The following COL12A1 variants were observed in gnomAD, a reference collection of about 807,000 sequenced individuals.
The protein encoded by COL12A1 is collagen alpha-1(XII) chain.
In COL12A1, 114 loss-of-function variants were observed where a neutral mutation model predicts 349.7. That is an observed-to-expected ratio of 0.33 (90% CI 0.28 to 0.38). The LOEUF is 0.38. Among genes scored for constraint, COL12A1 ranks in the 10% least tolerant of loss-of-function variants. The pLI is 1.00. For missense variants in COL12A1, 3,284 were observed against 3,756.9 expected (o/e 0.87, Z 3.29); for synonymous variants, 1,369 against 1,329.0 (o/e 1.03, Z -0.66).
Position 75,191,779 on chromosome 6 carries a change from AT to A in COL12A1, c.335-20del. ...GTTTGAACTAAGTTAAAACTTTATT[AT>A]TACAAAAGGAAATGAACCCAAGCAG... On this transcript the variant is annotated intron_variant, in intron 4 of 65. Coordinates refer to ENST00000322507, the MANE Select transcript of COL12A1 (RefSeq NM_004370.6). 1 of 1,545,676 alleles carries A rather than the reference AT, an allele frequency of 6.5e-7. No homozygotes were observed. The highest frequency in any genetic ancestry group is 8.8e-7 in the Non-Finnish European group (1 of 1,141,756).
Position 75,095,449 on chromosome 6 carries a change from C to T in COL12A1, c.8578-270G>A, listed in dbSNP as rs959445787. On this transcript the variant is annotated intron_variant, in intron 59 of 65. Transcript: ENST00000322507. The stretch of plus-strand genomic sequence containing the variant: ...TGGCTAACAAGGTGAAACCCCGTCT[C>T]TACTAAAAATACAAAAAATTAGCCA... 2.0e-5 allele frequency among the ~76,000 whole-genome samples: 3 copies of T among 151,574 alleles called. No individual in the cohort carries two copies. In the South Asian group the frequency reaches 6.3e-4, roughly 32 times the overall value.
At chr6:75,106,951 G>T (rs1264430251) in intron 52 of COL12A1, among the ~76,000 whole-genome samples, 1 of 136,426 alleles carries the variant, frequency 7.3e-6, no homozygotes, top group African/African-American at 2.7e-5. Flanking sequence ...GCCCAGGTAG[G>T]AGTACAGTGG....
At position 75,130,730 on chromosome 6, in the gene COL12A1, T is replaced by G. The variant is rs1766258937; in HGVS notation, c.6067+122A>C. The G allele has an allele frequency of 7.1e-6, 9 of 1,260,202 alleles. No homozygotes were observed. The South Asian group carries it at 1.3e-4, about 18-fold the overall frequency. The allele number at this position is 1,260,202 out of a possible 1,614,324, so 78.1% of individuals were successfully genotyped here. On this transcript the variant is annotated intron_variant, in intron 36 of 65. Transcript: ENST00000322507. Reference sequence around the variant, plus strand: ...AATGTTTTCGCCTGGAATGTAAATGTAGGGGATCCCAGGCAGAAAGCACCC... The same window carrying G: ...AATGTTTTCGCCTGGAATGTAAATGGAGGGGATCCCAGGCAGAAAGCACCC...
chr6:75,127,219 T>C (rs1248933667), intron 38 of COL12A1, among the ~76,000 whole-genome samples: 1 of 152,156 alleles, frequency 6.6e-6, no homozygotes, highest in African/African-American at 2.4e-5. Flanking sequence ...TCCCAAAATA[T>C]AGTCTAAAAT....
intron 60 of COL12A1, 54 bp downstream of exon 60, chr6:75,095,051 CATT>C (rs1471726398): frequency 1.4e-6 from 2 of 1,466,792 alleles, no homozygotes; most frequent in Non-Finnish European, 1.9e-6. Flanking sequence ...TTGCAGTTCT[CATT>C]ATTTATTTCC....
chr6:75,151,921 C>T lies in COL12A1; in HGVS notation c.3946G>A (p.Val1316Ile), dbSNP rs1767511718. The T allele has an allele frequency of 2.5e-6, 4 of 1,613,742 alleles. No individual in the cohort carries two copies. The highest frequency in any genetic ancestry group is 1.7e-5 in the Admixed American group (1 of 59,976). ...LITDGKSQDD[V>I]EAPSKKLKDE... ...TTGAGTTTCTTTGAAGGTGCTTCAA[C>T]ATCGTCTTGTGATTTTCCATCAGTA... Residue 1316 changes from valine to isoleucine, a missense_variant, in exon 20 of 66, where the codon GTT becomes ATT. By Grantham distance (29) the Val-to-Ile change is conservative (BLOSUM62 3). Coordinates refer to ENST00000322507, the MANE Select transcript of COL12A1 (RefSeq NM_004370.6).
At position 75,126,381 on chromosome 6, in the gene COL12A1, G is replaced by A; in HGVS notation, c.6430C>T (p.Leu2144Phe). ...VSWDPSPSPV[L>F]GYKIVYKPVG... ...GGCTTATATACTATTTTATATCCAAGAACTGGAGAAGGTGAAGGATCCCAG... is the reference window on the plus strand; with the variant it reads ...GGCTTATATACTATTTTATATCCAAAAACTGGAGAAGGTGAAGGATCCCAG... The change falls in exon 39 of 66, where the codon CTT (leucine) becomes TTT (phenylalanine). Residue 2144 changes from leucine to phenylalanine, a missense_variant. Around this residue, in one of 2 missense-constraint regions of COL12A1, gnomAD observed 2,601 missense variants for 2,824.8 expected, o/e 0.92. Coordinates refer to ENST00000322507, the MANE Select transcript of COL12A1 (RefSeq NM_004370.6). 1.2e-6 allele frequency: 2 copies of A among 1,611,136 alleles called. No homozygotes were observed. The highest frequency in any genetic ancestry group is 1.7e-6 in the Non-Finnish European group (2 of 1,177,734).
intron 65 of COL12A1, chr6:75,087,351 T>C: frequency 2.0e-6 from 1 of 487,854 alleles, no homozygotes; most frequent in Non-Finnish European, 3.5e-6. Flanking sequence ...TATGATGTGA[T>C]TTGGTAAATG....
chr6:75,189,590 A>T lies in COL12A1; in HGVS notation c.620T>A (p.Ile207Lys). 1.2e-6 allele frequency: 2 copies of T among 1,612,912 alleles called. No individual in the cohort carries two copies. The highest frequency in any genetic ancestry group is 1.7e-6 in the Non-Finnish European group (2 of 1,179,358). Residue 207 changes from isoleucine to lysine, a missense_variant, in exon 6 of 66, where the codon ATA becomes AAA. Physicochemically the swap from Ile to Lys is moderately radical, Grantham distance 102. Around this residue, in one of 2 missense-constraint regions of COL12A1, gnomAD observed 2,601 missense variants for 2,824.8 expected, o/e 0.92. Transcript: ENST00000322507. The part of the protein sequence containing the change: ...YYQRDELLAA[I>K]KKIPYKGGNT... ...GCCACCTTTATATGGAATTTTTTTT[A>T]TTGCAGCAAGAAGTTCATCCCTTTG...
Position 75,185,009 on chromosome 6 carries a change from G to C in COL12A1, c.998-865C>G, listed in dbSNP as rs371915634. 1.8e-4 allele frequency among the ~76,000 whole-genome samples: 28 copies of C among 152,192 alleles called. No homozygotes were observed. In the South Asian group the frequency reaches 4.8e-3, roughly 26 times the overall value. On this transcript the variant is annotated intron_variant, in intron 8 of 65. Coordinates refer to ENST00000322507, the MANE Select transcript of COL12A1 (RefSeq NM_004370.6). The stretch of plus-strand genomic sequence containing the variant: ...GCAACCAGATGTAGGACATAAAAGT[G>C]ATGTTTATACTGAATAGGCAAAAGC...
In COL12A1 at chr6:75,148,415, G is replaced by C; in HGVS notation, c.4230C>G (p.Asp1410Glu). Residue 1410 changes from aspartate to glutamate, a missense_variant, in exon 22 of 66, where the codon GAC becomes GAG. Physicochemically the swap from Asp to Glu is conservative, Grantham distance 45. Coordinates refer to ENST00000322507, the MANE Select transcript of COL12A1 (RefSeq NM_004370.6). ...ATTCCACCTTATATCGATCCACACTGTCAGAAGGTGGTGTCCAGCTCACTC... is the reference window on the plus strand; with the variant it reads ...ATTCCACCTTATATCGATCCACACTCTCAGAAGGTGGTGTCCAGCTCACTC... ...SFRVSWTPPS[D>E]SVDRYKVEYY... The C allele has an allele frequency of 1.2e-6, 2 of 1,613,404 alleles. No homozygotes were observed. Among genetic ancestry groups the C allele is most frequent in the Non-Finnish European group, 1.7e-6 (2 of 1,179,456 alleles).
chr6:75,196,861 G>A (rs999509071), intron 2 of COL12A1, among the ~76,000 whole-genome samples: 2 of 152,192 alleles, frequency 1.3e-5, no homozygotes, highest in African/African-American at 4.8e-5. Context: ...AACTGCTGAA[G>A]GGCAGTAGCA....
intron 27 of COL12A1, 116 bp from the exon 28 acceptor site, chr6:75,139,077 C>T: frequency 8.3e-7 from 1 of 1,210,584 alleles, no homozygotes; most frequent in Non-Finnish European, 1.2e-6. Flanking sequence ...TGATTGAATA[C>T]ATTGCTTAGA....
intron 17 of COL12A1, 39 bp from the exon 18 acceptor site, chr6:75,152,521 A>G (rs776490695): frequency 1.2e-6 from 2 of 1,610,722 alleles, no homozygotes; most frequent in Non-Finnish European, 1.7e-6. Flanking sequence ...TAAGAAGCAA[A>G]TTGTTGGCAA....
chr6:75,203,981 C>A (rs992019608), intron 1 of COL12A1, among the ~76,000 whole-genome samples: 1 of 152,190 alleles, frequency 6.6e-6, no homozygotes, highest in Admixed American at 6.5e-5. Flanking sequence ...CAATCTCCAA[C>A]GATGACTTTC....
Position 75,086,456 on chromosome 6 carries a change from T to C in COL12A1, c.*91A>G. On this transcript the variant is annotated 3_prime_UTR_variant, in exon 66 of 66. Transcript: ENST00000322507. ...TCTGTGGTGAGATTTCCATACAGACTCATTTCCTAATAAGCACGTGCGCAA... is the reference window on the plus strand; with the variant it reads ...TCTGTGGTGAGATTTCCATACAGACCCATTTCCTAATAAGCACGTGCGCAA... The C allele has an allele frequency of 8.3e-7, 1 of 1,208,632 alleles. No individual in the cohort carries two copies. The highest frequency in any genetic ancestry group is 1.2e-6 in the Non-Finnish European group (1 of 846,844). The allele number at this position is 1,208,632 out of a possible 1,614,324, so 74.9% of individuals were successfully genotyped here. A position where few individuals can be genotyped will look rare whatever the true frequency, so the allele number is the denominator to read the frequency against.
chr6:75,128,562 A>G (rs937995266), intron 37 of COL12A1, 137 bp from the exon 38 acceptor site: 10 of 653,736 alleles, frequency 1.5e-5, no homozygotes, highest in Non-Finnish European at 2.2e-5. Context: ...AATGCTCGTG[A>G]CAAGACAAAC....
chr6:75,144,059 T>C (rs763505209), intron 25 of COL12A1, among the ~76,000 whole-genome samples: 4 of 152,226 alleles, frequency 2.6e-5, no homozygotes, highest in Non-Finnish European at 4.4e-5. Context: ...TCTTTACATC[T>C]GTCTTCCTAA....
chr6:75,119,439 G>C lies in COL12A1; in HGVS notation c.7121C>G (p.Ser2374Cys). 2 of 1,613,742 alleles carry C rather than the reference G, an allele frequency of 1.2e-6. No homozygotes were observed. Among genetic ancestry groups the C allele is most frequent in the Non-Finnish European group, 1.7e-6 (2 of 1,179,822 alleles). ...ATTGTACGTGTTCAGCTTGAACTCA[G>C]ACTTGACCTCATCGCTGTATTGCAC... is the stretch of plus-strand genomic sequence containing the variant. ...SFVQYSDEVK[S>C]EFKLNTYNDK... The change falls in exon 45 of 66, where the codon TCT becomes TGT. Residue 2374 changes from serine (S) to cysteine (C), a missense_variant. Around this residue, in one of 2 missense-constraint regions of COL12A1, gnomAD observed 683 missense variants for 932.1 expected, o/e 0.73. Coordinates refer to ENST00000322507, the MANE Select transcript of COL12A1 (RefSeq NM_004370.6).
Sources: allele counts gnomAD v4.1 joint callset (sites outside exome capture counted in the v4.1 genomes callset), GRCh38; gene constraint gnomAD v4.1.1; regional missense constraint gnomAD v4.1.1; transcripts MANE v1.5; gene names NCBI Gene and HGNC (gene_info 2026-07-23, HGNC 2026-07-21).